Variants in SHC3 observed in about 807,000 individuals in gnomAD.
SHC3 encodes the protein SHC-transforming protein 3.
Under a neutral mutation model 60.4 loss-of-function variants are expected in SHC3, and 15 were observed. The observed-to-expected ratio is 0.25, with a 90% CI of 0.17 to 0.38. SHC3 has a LOEUF of 0.38. Among genes scored for constraint, SHC3 ranks in the 10% least tolerant of loss-of-function variants. The pLI is 1.00. For synonymous variants in SHC3, 294 were observed against 325.9 expected (o/e 0.90, Z 1.05); for missense variants, 677 against 786.1 (o/e 0.86, Z 1.66).
At chr9:89,169,628 G>C (rs1217592040) in intron 1 of SHC3, among the ~76,000 whole-genome samples, 2 of 151,472 alleles carry the variant, frequency 1.3e-5, no homozygotes, top group African/African-American at 4.9e-5. Context: ...GCAAAGGCAG[G>C]CCCACACAAG....
intron 6 of SHC3, 113 bp downstream of exon 6, chr9:89,065,416 G>T: frequency 9.1e-7 from 1 of 1,101,214 alleles, no homozygotes; most frequent in Non-Finnish European, 1.4e-6. Context: ...AGTAATACAA[G>T]ATGGCACTAC....
At chr9:89,065,498 C>T (rs922892498) in intron 6 of SHC3, 31 bp downstream of exon 6, 3 of 1,612,732 alleles carry the variant, frequency 1.9e-6, no homozygotes, top group African/African-American at 2.7e-5. Context: ...TGTACACAAA[C>T]AAGAGATTAA....
chr9:89,130,442 C>T (rs1387667024), intron 1 of SHC3, among the ~76,000 whole-genome samples: 4 of 152,156 alleles, frequency 2.6e-5, no homozygotes, highest in African/African-American at 9.7e-5. Flanking sequence ...GACTCTCCAC[C>T]CCAAATCAAC....
At chr9:89,159,743 G>A (rs1267691134) in intron 1 of SHC3, among the ~76,000 whole-genome samples, 1 of 152,242 alleles carries the variant, frequency 6.6e-6, no homozygotes, top group Non-Finnish European at 1.5e-5. Flanking sequence ...ACAGGAGAAA[G>A]ATGTAGGCTT....
intron 9 of SHC3, among the ~76,000 whole-genome samples, chr9:89,043,826 G>A (rs1430993995): frequency 6.6e-6 from 1 of 151,936 alleles, no homozygotes; most frequent in Non-Finnish European, 1.5e-5. Flanking sequence ...CTAATTTTTT[G>A]TATTTTTAGT....
At chr9:89,041,964 T>C in intron 10 of SHC3, 62 bp downstream of exon 10, 1 of 1,596,000 alleles carries the variant, frequency 6.3e-7, no homozygotes, top group Non-Finnish European at 8.5e-7. Flanking sequence ...AGATTTCAAA[T>C]AAAAGGCAGG....
intron 2 of SHC3, among the ~76,000 whole-genome samples, chr9:89,112,121 C>G (rs554290099): frequency 1.2e-4 from 18 of 152,330 alleles, no homozygotes; most frequent in South Asian, 4.1e-4. Flanking sequence ...ATGACCTACT[C>G]CCATGGCTGT....
At chr9:89,088,042 C>T (rs745570974) in intron 2 of SHC3, among the ~76,000 whole-genome samples, 2 of 152,204 alleles carry the variant, frequency 1.3e-5, no homozygotes, top group African/African-American at 2.4e-5. Context: ...CCTTCTCTTT[C>T]CAGGTCTTTT....
intron 2 of SHC3, among the ~76,000 whole-genome samples, chr9:89,107,305 C>T (rs976478550): frequency 6.6e-6 from 1 of 152,190 alleles, no homozygotes; most frequent in African/African-American, 2.4e-5. Context: ...AGTATGTGGC[C>T]CCTTGCCCTG....
At chr9:89,068,034 G>A (rs1449844376) in intron 5 of SHC3, among the ~76,000 whole-genome samples, 1 of 152,208 alleles carries the variant, frequency 6.6e-6, no homozygotes, top group Admixed American at 6.5e-5. Context: ...CTGTCTCTCA[G>A]ATGGTCAATG....
chr9:89,006,006 A>T lies in SHC3; in HGVS notation c.*7441T>A, dbSNP rs1260115877. ...AAAACTGCAACACCCAAATGTTTTT[A>T]GTATCTAAGTCAGATATCCAAAAGT... On this transcript the variant is annotated 3_prime_UTR_variant, in exon 12 of 12. Coordinates refer to ENST00000375835, the MANE Select transcript of SHC3 (RefSeq NM_016848.6). 2 of 152,250 alleles carry T rather than the reference A, an allele frequency of 1.3e-5. No homozygotes were observed. The highest frequency in any genetic ancestry group is 2.9e-5 in the Non-Finnish European group (2 of 68,044). 9.4% of individuals were successfully genotyped at this position (152,250 alleles called of 1,614,324 possible). A position where few individuals can be genotyped will look rare whatever the true frequency, so the allele number is the denominator to read the frequency against.
chr9:89,079,140 A>C (rs1330482373), intron 2 of SHC3, among the ~76,000 whole-genome samples: 1 of 152,240 alleles, frequency 6.6e-6, no homozygotes, highest in African/African-American at 2.4e-5. Flanking sequence ...ACATGGAAAA[A>C]GTGAAGCAAG....
rs1303035834 is a variant in SHC3 at position 89,035,865 on chromosome 9, G to A, written c.1656+2128C>T. Among the ~76,000 whole-genome samples the A allele has an allele frequency of 2.2e-3, 224 of 103,590 alleles. 2 individuals are homozygous for A. The highest frequency in any genetic ancestry group is 5.7e-3 in the African/African-American group (191 of 33,604). 68.0% of individuals were successfully genotyped at this position (103,590 alleles called of 152,430 possible). ...TATATATATAGATGTGTGTGTGTGT[G>A]TGTGTGTGTGTGTGTGTGTGTGTGT... On this transcript the variant is annotated intron_variant, in intron 11 of 11. Coordinates refer to ENST00000375835, the MANE Select transcript of SHC3 (RefSeq NM_016848.6).
chr9:89,083,795 G>A (rs1041337493), intron 2 of SHC3, among the ~76,000 whole-genome samples: 34 of 152,204 alleles, frequency 2.2e-4, no homozygotes, highest in Non-Finnish European at 2.2e-4. Context: ...TCTCCATCCC[G>A]AAGCTGTTGA....
chr9:89,029,890 A>G (rs1166074611), intron 11 of SHC3, among the ~76,000 whole-genome samples: 1 of 152,210 alleles, frequency 6.6e-6, no homozygotes, highest in African/African-American at 2.4e-5. Context: ...ACATTAAAAA[A>G]CAAAAAGTCA....
Position 89,178,224 on chromosome 9 carries a change from C to A in SHC3, c.237G>T (p.Ser79=). 6.8e-7 allele frequency: 1 copy of A among 1,468,200 alleles called. No individual in the cohort carries two copies. Among genetic ancestry groups the A allele is most frequent in the Non-Finnish European group, 9.0e-7 (1 of 1,109,566 alleles). 90.9% of individuals were successfully genotyped at this position (1,468,200 alleles called of 1,614,324 possible). The change falls in exon 1 of 12, where the codon TCG becomes TCT. Residue 79 remains serine, a synonymous_variant. Transcript: ENST00000375835. The surrounding 1 kb of genome is among the most constrained non-coding windows in gnomAD (Gnocchi z 6.9). ...CGGCCGACGACAGGCCGCGGAGGCC[C>A]GAGCTGGAGAGTTTCAGGTGGGACA... ...HKVSHLKLSS[S]GLRGLSSAAR... is the part of the protein sequence containing the mutation.
At chr9:89,096,150 G>A (rs556495140) in intron 2 of SHC3, among the ~76,000 whole-genome samples, 178 of 152,312 alleles carry the variant, frequency 1.2e-3, no homozygotes, top group African/African-American at 4.1e-3. Flanking sequence ...CGTTGAATAC[G>A]CATGAGAGAG....
At chr9:89,028,849 A>C (rs897384735) in intron 11 of SHC3, among the ~76,000 whole-genome samples, 2 of 147,232 alleles carry the variant, frequency 1.4e-5, no homozygotes, top group South Asian at 4.2e-4. Context: ...CATGTGTGTA[A>C]ATATATCTAT....
At chr9:89,038,431 C>T in intron 10 of SHC3, 143 bp from the exon 11 acceptor site, 1 of 880,918 alleles carries the variant, frequency 1.1e-6, no homozygotes, top group East Asian at 2.7e-5. Flanking sequence ...ATGGAGACAA[C>T]TAACTGGCTG....
Sources: gnomAD v4.1 joint callset for allele counts (sites outside exome capture counted in the v4.1 genomes callset) on GRCh38, gnomAD v4.1.1 for gene constraint, Gnocchi (gnomAD v3.1) non-coding constraint, MANE v1.5 for transcripts, NCBI Gene and HGNC (gene_info 2026-07-23, HGNC 2026-07-21) for gene names.